Variants in UNC79 observed in about 807,000 individuals in gnomAD.
The protein encoded by UNC79 is unc-79 subunit of NALCN channel complex, also known as protein unc-79 homolog.
A neutral mutation model predicts 283.1 loss-of-function variants in UNC79; 37 were observed. The observed-to-expected ratio is 0.13, with a 90% CI of 0.10 to 0.17. The LOEUF is 0.17. Among genes scored for constraint, UNC79 ranks in the 10% least tolerant of loss-of-function variants. The pLI is 1.00. For missense variants in UNC79, 2,272 were observed against 3,211.1 expected, an observed-to-expected ratio of 0.71 and a Z score of 7.07; for synonymous variants, 1,107 against 1,200.2, an observed-to-expected ratio of 0.92 and a Z score of 1.61.
At chr14:93,697,338 G>A (rs1301231604) in intron 47 of UNC79, among the ~76,000 whole-genome samples, 1 of 152,060 alleles carries the variant, frequency 6.6e-6, no homozygotes, top group African/African-American at 2.4e-5. Flanking sequence ...GTTTCACTAT[G>A]TTGGCCAGGC....
At chr14:93,465,745 C>A (rs58672638) in intron 1 of UNC79, among the ~76,000 whole-genome samples, 11,710 of 152,270 alleles carry the variant, frequency 0.077, 508 homozygotes, top group Middle Eastern at 0.14. Context: ...TGTCCATACC[C>A]TGTACTATTA....
chr14:93,631,048 A>G, intron 31 of UNC79, 140 bp downstream of exon 33: 1 of 780,252 alleles, frequency 1.3e-6, no homozygotes, highest in African/African-American at 1.7e-5. Context: ...AGTATGTTGT[A>G]TATTCTCAGA....
intron 41 of UNC79, among the ~76,000 whole-genome samples, chr14:93,678,442 A>C (rs577761959): frequency 1.2e-4 from 18 of 152,308 alleles, no homozygotes; most frequent in African/African-American, 3.8e-4. Flanking sequence ...TTTCTAATTA[A>C]TAACAGTAGA....
chr14:93,422,077 A>G (rs190989746), intron 1 of UNC79, among the ~76,000 whole-genome samples: 3 of 151,968 alleles, frequency 2.0e-5, no homozygotes, highest in Admixed American at 2.0e-4. Flanking sequence ...CACACCCATG[A>G]CACACCCTCA....
intron 29 of UNC79, among the ~76,000 whole-genome samples, chr14:93,620,204 GAA>G (rs2067024668): frequency 6.6e-6 from 1 of 152,190 alleles, no homozygotes; most frequent in African/African-American, 2.4e-5. Context: ...GCGCCTCAGA[GAA>G]GAGTCTTACT....
intron 11 of UNC79, among the ~76,000 whole-genome samples, chr14:93,534,200 G>A (rs1481757387): frequency 6.6e-6 from 1 of 152,200 alleles, no homozygotes; most frequent in Non-Finnish European, 1.5e-5. Flanking sequence ...CCTTGATTAT[G>A]ATCTGGTTTT....
intron 1 of UNC79, among the ~76,000 whole-genome samples, chr14:93,403,956 C>CAAAGAA (rs2140034124): frequency 6.6e-6 from 1 of 151,026 alleles, no homozygotes; most frequent in Non-Finnish European, 1.5e-5. Flanking sequence ...AAAACATTTG[C>CAAAGAA]AGATACATAA....
intron 1 of UNC79, among the ~76,000 whole-genome samples, chr14:93,405,683 T>C (rs2055211824): frequency 6.6e-6 from 1 of 152,238 alleles, no homozygotes; most frequent in Non-Finnish European, 1.5e-5. Flanking sequence ...AAGAAAATTC[T>C]GTATGTTTGA....
At chr14:93,463,915 G>A (rs1408543182) in intron 1 of UNC79, among the ~76,000 whole-genome samples, 4 of 152,058 alleles carry the variant, frequency 2.6e-5, no homozygotes, top group African/African-American at 9.7e-5. Context: ...TTTGGGAGGC[G>A]GAGGCGGGCG....
chr14:93,608,238 A>C (rs2066025084), intron 26 of UNC79, among the ~76,000 whole-genome samples: 1 of 152,210 alleles, frequency 6.6e-6, no homozygotes, highest in Non-Finnish European at 1.5e-5. Context: ...TTATACTCTT[A>C]ACTTGCTTAC....
chr14:93,685,461 G>A (rs564669350), intron 42 of UNC79, among the ~76,000 whole-genome samples: 16 of 152,252 alleles, frequency 1.1e-4, no homozygotes, highest in East Asian at 5.8e-4. Flanking sequence ...ACTTTGGAAC[G>A]TACGAAATGC....
At chr14:93,482,276 A>G (rs1367127756) in intron 4 of UNC79, among the ~76,000 whole-genome samples, 3 of 152,200 alleles carry the variant, frequency 2.0e-5, no homozygotes, top group East Asian at 1.9e-4. Flanking sequence ...TATAATAAAA[A>G]TAATGATTGT....
chr14:93,612,797 G>A, exon 27 of UNC79: 6 of 1,612,058 alleles, frequency 3.7e-6, no homozygotes, highest in Non-Finnish European at 5.1e-6. Context: ...CTACTGACAG[G>A]ACAACAATCT....
At chr14:93,342,722 G>A (rs999445392) in intron 1 of UNC79, among the ~76,000 whole-genome samples, 4 of 152,174 alleles carry the variant, frequency 2.6e-5, no homozygotes, top group African/African-American at 9.7e-5. Context: ...GCATATGACT[G>A]TATGCTTTCA....
intron 1 of UNC79, among the ~76,000 whole-genome samples, chr14:93,458,904 G>A (rs2056866248): frequency 1.3e-5 from 2 of 152,176 alleles, no homozygotes; most frequent in Non-Finnish European, 2.9e-5. Flanking sequence ...GAACCATCTA[G>A]AACAGTTTAT....
chr14:93,646,254 GT>G (rs2069589309), intron 34 of UNC79, among the ~76,000 whole-genome samples: 2 of 152,138 alleles, frequency 1.3e-5, no homozygotes, highest in South Asian at 4.1e-4. Context: ...GGTTTCAGAG[GT>G]TATATACAAA....
chr14:93,392,200 C>T (rs776203547), intron 1 of UNC79, among the ~76,000 whole-genome samples: 4 of 151,938 alleles, frequency 2.6e-5, no homozygotes, highest in African/African-American at 9.7e-5. Flanking sequence ...CAAGAAGTGA[C>T]AAAGAAGTCT....
At chr14:93,425,563 C>G (rs1177001591), upstream of UNC79, among the ~76,000 whole-genome samples, 1 of 152,012 alleles carries the variant, frequency 6.6e-6, no homozygotes, top group Non-Finnish European at 1.5e-5. Flanking sequence ...ACAAATCTGG[C>G]AAATAGCCTC....
exon 33 of UNC79, chr14:93,641,197 G>T: frequency 6.2e-7 from 1 of 1,613,746 alleles, no homozygotes; most frequent in Non-Finnish European, 8.5e-7. Flanking sequence ...GTATGTTTGT[G>T]CCTGCACCTG....
Sources: allele counts gnomAD v4.1 joint callset (sites outside exome capture counted in the v4.1 genomes callset), GRCh38; gene constraint gnomAD v4.1.1; transcripts MANE v1.5; gene names NCBI Gene and HGNC (gene_info 2026-07-23, HGNC 2026-07-21).